DLG2: variants seen among roughly 807,000 people sequenced by gnomAD.
DLG2 encodes disks large homolog 2.
Under a neutral mutation model 132.5 loss-of-function variants are expected in DLG2, and 45 were observed. That is an observed-to-expected ratio of 0.34 (90% CI 0.27 to 0.44). The LOEUF (loss-of-function observed/expected upper bound fraction) is 0.44, where lower values mean the gene tolerates loss of function less well. Among genes scored for constraint, DLG2 ranks in the 20% least tolerant of loss-of-function variants. The pLI is 1.00. For synonymous variants in DLG2, 424 were observed against 419.6 expected (o/e 1.01, Z -0.13); for missense variants, 1,045 against 1,196.9 (o/e 0.87, Z 1.87).
chr11:84,510,539 TA>T (rs889173908), intron 7 of DLG2, among the ~76,000 whole-genome samples: 1 of 152,176 alleles, frequency 6.6e-6, no homozygotes, highest in Non-Finnish European at 1.5e-5. Context: ...TAATATAGTT[TA>T]TTTTTTTCAT....
chr11:84,251,632 CT>C (rs1327346792), intron 7 of DLG2, among the ~76,000 whole-genome samples: 104 of 66,802 alleles, frequency 1.6e-3, no homozygotes, highest in African/African-American at 4.6e-3. Flanking sequence ...AAACTTGTAT[CT>C]TTTCTTTCTT....
chr11:84,616,025 A>G (rs1404329395), intron 6 of DLG2, among the ~76,000 whole-genome samples: 2 of 151,956 alleles, frequency 1.3e-5, no homozygotes, highest in Non-Finnish European at 2.9e-5. Context: ...AAGCAAAGGA[A>G]TATCTTATTA....
chr11:85,255,019 T>A (rs1351366977), intron 4 of DLG2, among the ~76,000 whole-genome samples: 1 of 151,440 alleles, frequency 6.6e-6, no homozygotes, highest in Non-Finnish European at 1.5e-5. Context: ...AAAAAAATTA[T>A]AATTGTTTAT....
intron 16 of DLG2, among the ~76,000 whole-genome samples, chr11:83,865,531 G>A (rs2062175478): frequency 6.6e-6 from 1 of 151,902 alleles, no homozygotes; most frequent in South Asian, 2.1e-4. Flanking sequence ...AAAGGAGGAG[G>A]AGAAAGTTTC....
intron 13 of DLG2, among the ~76,000 whole-genome samples, chr11:83,964,892 A>T (rs1449638128): frequency 1.3e-5 from 2 of 151,968 alleles, no homozygotes; most frequent in Admixed American, 6.6e-5. Flanking sequence ...TCGCCATTCA[A>T]TTGCAAGATC....
chr11:83,856,470 T>G (rs2060550312), intron 16 of DLG2, among the ~76,000 whole-genome samples: 1 of 152,334 alleles, frequency 6.6e-6, no homozygotes, highest in South Asian at 2.1e-4. Context: ...GCAGTCCTTT[T>G]TCTCCACAAC....
rs574754836 is a variant in DLG2 at position 83,833,098 on chromosome 11, AG to A, written c.1722+515del. On this transcript the variant is annotated intron_variant, in intron 17 of 27. Transcript: ENST00000376104. ...ACATTAGCACCTTCGCCTTTATTTGAGGGAAGTAAGTGCCACAAGCATCAAG... is the reference window on the plus strand; with the variant it reads ...ACATTAGCACCTTCGCCTTTATTTGAGGAAGTAAGTGCCACAAGCATCAAG... Among the ~76,000 whole-genome samples the A allele has an allele frequency of 2.0e-3, 301 of 152,302 alleles. 2 individuals carry two copies. Among genetic ancestry groups the A allele is most frequent in the Middle Eastern group, 0.01 (3 of 294 alleles).
At chr11:85,164,167 GAC>G (rs1487331499) in intron 4 of DLG2, among the ~76,000 whole-genome samples, 3 of 152,020 alleles carry the variant, frequency 2.0e-5, no homozygotes, top group African/African-American at 7.2e-5. Flanking sequence ...CTCTCTTTCT[GAC>G]ACAAATATCT....
intron 15 of DLG2, among the ~76,000 whole-genome samples, chr11:83,913,563 G>T (rs2076424961): frequency 6.6e-6 from 1 of 152,010 alleles, no homozygotes; most frequent in Non-Finnish European, 1.5e-5. Flanking sequence ...GGATGGAGGA[G>T]GTCCCCTCAC....
In DLG2 at chr11:84,392,360, T is replaced by A. The variant is rs1567509610; in HGVS notation, c.520-141069A>T. On this transcript the variant is annotated intron_variant, in intron 7 of 27. Coordinates refer to ENST00000376104, the MANE Select transcript of DLG2 (RefSeq NM_001142699.3). The stretch of plus-strand genomic sequence containing the variant: ...TGCAAACATTCTCCATCCCTCTCTT[T>A]GATTCATACTCTATTCACAAGGTCA... Among the ~76,000 whole-genome samples, 11 of 152,314 alleles carry A rather than the reference T, an allele frequency of 7.2e-5. No homozygotes were observed. The South Asian group carries it at 2.3e-3, about 32-fold the overall frequency.
At chr11:84,841,316 T>A (rs1458816994) in intron 6 of DLG2, among the ~76,000 whole-genome samples, 1 of 152,000 alleles carries the variant, frequency 6.6e-6, no homozygotes, top group Non-Finnish European at 1.5e-5. Flanking sequence ...AGTTGGGTTG[T>A]GAAAGAAATA....
At position 85,318,693 on chromosome 11, in the gene DLG2, A is replaced by G. The variant is rs1422341843; in HGVS notation, c.41-33328T>C. ...AACAAATGAAAGAAAGATTTCTAAGAAAAAATAATTTCATTACTCAGAAGG... is the reference window on the plus strand; with the variant it reads ...AACAAATGAAAGAAAGATTTCTAAGGAAAAATAATTTCATTACTCAGAAGG... On this transcript the variant is annotated intron_variant, in intron 3 of 27. Transcript: ENST00000376104. Among the ~76,000 whole-genome samples, 5 of 151,966 alleles carry G rather than the reference A, an allele frequency of 3.3e-5. No individual in the cohort carries two copies. The East Asian group carries it at 7.7e-4, about 23-fold the overall frequency.
At chr11:83,664,268 G>T (rs943093208) in intron 18 of DLG2, among the ~76,000 whole-genome samples, 5 of 152,140 alleles carry the variant, frequency 3.3e-5, no homozygotes, top group African/African-American at 1.2e-4. Flanking sequence ...GTGGTGTGAA[G>T]GAATACTTAA....
At chr11:85,383,929 C>T (rs965051942) in intron 3 of DLG2, among the ~76,000 whole-genome samples, 3 of 152,252 alleles carry the variant, frequency 2.0e-5, no homozygotes, top group South Asian at 2.1e-4. Context: ...TGCCCTTCTC[C>T]CCTACAGAAA....
At chr11:84,214,604 C>T (rs1253678077) in intron 8 of DLG2, among the ~76,000 whole-genome samples, 1 of 152,010 alleles carries the variant, frequency 6.6e-6, no homozygotes, top group Admixed American at 6.6e-5. Context: ...AGCCAGATTG[C>T]ACTCTCAGTA....
chr11:84,021,816 T>C (rs891715198), intron 11 of DLG2, among the ~76,000 whole-genome samples: 3 of 151,936 alleles, frequency 2.0e-5, no homozygotes, highest in Non-Finnish European at 4.4e-5. Context: ...GGAGTGCAAT[T>C]GGCTCACCTC....
intron 16 of DLG2, among the ~76,000 whole-genome samples, chr11:83,842,236 G>A (rs982102002): frequency 2.0e-5 from 3 of 152,138 alleles, no homozygotes; most frequent in Non-Finnish European, 4.4e-5. Context: ...ATGTTTTGAG[G>A]AGAAAGGAGG....
intron 4 of DLG2, among the ~76,000 whole-genome samples, chr11:85,205,157 T>C (rs1051489289): frequency 6.8e-6 from 1 of 146,876 alleles, no homozygotes; most frequent in African/African-American, 2.5e-5. Flanking sequence ...TATATATATA[T>C]ATATATAGAT....
chr11:83,837,498 C>T (rs778164117), intron 16 of DLG2, among the ~76,000 whole-genome samples: 25 of 152,070 alleles, frequency 1.6e-4, no homozygotes, highest in Non-Finnish European at 2.9e-4. Flanking sequence ...ACCTAGCTCT[C>T]GGCATAGCAC....
Sources: allele counts gnomAD v4.1 joint callset (sites outside exome capture counted in the v4.1 genomes callset), GRCh38; gene constraint gnomAD v4.1.1; transcripts MANE v1.5; gene names NCBI Gene and HGNC (gene_info 2026-07-23, HGNC 2026-07-21).